VAC14: variants seen among roughly 807,000 people sequenced by gnomAD.
The protein encoded by VAC14 is protein VAC14 homolog.
In VAC14, 47 loss-of-function variants were observed where a neutral mutation model predicts 85.3. That is an observed-to-expected ratio of 0.55 (90% CI 0.44 to 0.70). The LOEUF (loss-of-function observed/expected upper bound fraction) is 0.70. VAC14 is among the 30% of genes least tolerant of loss of function. The pLI is 0.00. For missense variants in VAC14, 861 were observed against 1,004.3 expected (o/e 0.86, Z 1.93); for synonymous variants, 447 against 430.5 (o/e 1.04, Z -0.47).
At chr16:70,699,073 G>A (rs914287980) in intron 14 of VAC14, among the ~76,000 whole-genome samples, 9 of 152,258 alleles carry the variant, frequency 5.9e-5, no homozygotes, top group African/African-American at 1.9e-4. Context: ...TTAATCTCCC[G>A]GCACAAGAGA....
chr16:70,783,126 GAAC>G lies in VAC14; in HGVS notation c.715_717del (p.Val239del). The stretch of plus-strand genomic sequence containing the variant: ...TTAATTTCTTTTAAGAATTCTCCAA[GAAC>G]AACCTCACACCTATGAACAAGAACA... On this transcript the variant is annotated inframe_deletion, in exon 7 of 19. Coordinates refer to ENST00000261776, the MANE Select transcript of VAC14 (RefSeq NM_018052.5). The G allele has an allele frequency of 6.2e-7, 1 of 1,613,948 alleles. No homozygotes were observed. The highest frequency in any genetic ancestry group is 8.5e-7 in the Non-Finnish European group (1 of 1,179,972).
chr16:70,715,731 T>C (rs529430261), intron 14 of VAC14: 2 of 152,256 alleles, frequency 1.3e-5, no homozygotes, highest in Non-Finnish European at 2.9e-5. Context: ...GGATTGGGAA[T>C]GGGGGAGGTG....
chr16:70,714,930 C>A (rs1394253871), intron 14 of VAC14: 7 of 152,400 alleles, frequency 4.6e-5, no homozygotes, highest in African/African-American at 1.7e-4. Flanking sequence ...GAGCCCTGGG[C>A]CCCACTTCCC....
intron 9 of VAC14, among the ~76,000 whole-genome samples, chr16:70,774,947 T>C (rs1438147354): frequency 6.6e-6 from 1 of 152,038 alleles, no homozygotes; most frequent in African/African-American, 2.4e-5. Context: ...AGATGGGGTT[T>C]CACCATGTTG....
chr16:70,706,153 G>A (rs541422042), intron 14 of VAC14, among the ~76,000 whole-genome samples: 2 of 152,360 alleles, frequency 1.3e-5, no homozygotes, highest in South Asian at 2.1e-4. Flanking sequence ...TGGTCAGAGG[G>A]TGTCATGGGG....
intron 12 of VAC14, chr16:70,745,028 T>C (rs1487877603): frequency 1.3e-5 from 2 of 159,490 alleles, no homozygotes; most frequent in East Asian, 1.9e-4. Flanking sequence ...CCACCCACCA[T>C]TGGGCCACAG....
intron 15 of VAC14, among the ~76,000 whole-genome samples, chr16:70,697,592 C>A (rs188226593): frequency 6.6e-6 from 1 of 152,120 alleles, no homozygotes; most frequent in African/African-American, 2.4e-5. Context: ...TCTGTGGTCC[C>A]GGAGCCCCAT....
At chr16:70,690,901 GT>G (rs1290016470) in intron 18 of VAC14, 21 of 985,376 alleles carry the variant, frequency 2.1e-5, no homozygotes, top group Non-Finnish European at 2.4e-5. Flanking sequence ...GCTAGGGGGT[GT>G]CTCACACACC....
chr16:70,788,121 T>C (rs2034155000), intron 1 of VAC14, among the ~76,000 whole-genome samples: 1 of 152,260 alleles, frequency 6.6e-6, no homozygotes, highest in Admixed American at 6.5e-5. Flanking sequence ...AGAACAGTCA[T>C]GTCCAAAAGG....
chr16:70,747,363 G>A (rs1021039127), intron 12 of VAC14: 2 of 151,960 alleles, frequency 1.3e-5, no homozygotes, highest in African/African-American at 4.8e-5. Flanking sequence ...TTCTTTCTGG[G>A]GTCATGAAAA....
At chr16:70,755,647 G>C (rs773193511) in intron 12 of VAC14, among the ~76,000 whole-genome samples, 10 of 152,222 alleles carry the variant, frequency 6.6e-5, no homozygotes, top group Non-Finnish European at 1.3e-4. Flanking sequence ...GCAGACTTCA[G>C]CTGGGGCCCT....
intron 14 of VAC14, among the ~76,000 whole-genome samples, chr16:70,711,167 T>C (rs956830855): frequency 3.3e-5 from 5 of 152,234 alleles, no homozygotes; most frequent in Admixed American, 6.5e-5. Flanking sequence ...AGCCTGGCTG[T>C]ATGCATGGAC....
At chr16:70,688,233 G>A (rs1378118338) in intron 18 of VAC14, 143 bp from the exon 19 acceptor site, 34 of 1,287,976 alleles carry the variant, frequency 2.6e-5, no homozygotes, top group South Asian at 8.6e-5. Flanking sequence ...CAACTCTTCC[G>A]TCATGGCGGG....
chr16:70,753,326 G>A (rs1327434606), intron 12 of VAC14, among the ~76,000 whole-genome samples: 5 of 152,202 alleles, frequency 3.3e-5, no homozygotes, highest in Admixed American at 3.3e-4. Context: ...GCTCACCCAG[G>A]CTCACCCAAG....
At chr16:70,739,700 C>T (rs1290461647) in intron 13 of VAC14, among the ~76,000 whole-genome samples, 2 of 152,214 alleles carry the variant, frequency 1.3e-5, no homozygotes, top group Non-Finnish European at 2.9e-5. Flanking sequence ...CAGGGCAGGG[C>T]CTAACGTGAC....
At chr16:70,710,424 CCCCTGCAAA>C (rs2054007632) in intron 14 of VAC14, among the ~76,000 whole-genome samples, 1 of 152,196 alleles carries the variant, frequency 6.6e-6, no homozygotes, top group Admixed American at 6.5e-5. Context: ...CTGCCATTTT[CCCCTGCAAA>C]CCGCAGGGGG....
chr16:70,790,610 C>A (rs2034291057), intron 1 of VAC14, among the ~76,000 whole-genome samples: 1 of 150,952 alleles, frequency 6.6e-6, no homozygotes, highest in East Asian at 1.9e-4. Flanking sequence ...TGACAGCCTG[C>A]AAAAGTAACA....
intron 18 of VAC14, chr16:70,688,568 A>G (rs2053542408): frequency 4.1e-6 from 4 of 985,798 alleles, no homozygotes; most frequent in Non-Finnish European, 4.8e-6. Context: ...TCCACTTGGC[A>G]GGACATTTGT....
At chr16:70,704,812 A>C (rs1286788286) in intron 14 of VAC14, among the ~76,000 whole-genome samples, 1 of 152,228 alleles carries the variant, frequency 6.6e-6, no homozygotes, top group East Asian at 1.9e-4. Context: ...GGTGAGGCCC[A>C]GGAGGGCAAA....
Sources: allele counts gnomAD v4.1 joint callset (sites outside exome capture counted in the v4.1 genomes callset), GRCh38; gene constraint gnomAD v4.1.1; transcripts MANE v1.5; gene names NCBI Gene and HGNC (gene_info 2026-07-23, HGNC 2026-07-21).